ZNF75D: variants seen among roughly 807,000 people sequenced by gnomAD.
ZNF75D encodes the protein zinc finger protein 75D.
ZNF75D carries 33 observed loss-of-function variants against 33.3 expected under a neutral mutation model. The observed-to-expected ratio is 0.99, with a 90% confidence interval of 0.75 to 1.32. The LOEUF is 1.32. Ranked by LOEUF, ZNF75D falls within the 40% of genes most tolerant of loss-of-function variation. ZNF75D has a pLI of 0.00. For synonymous variants in ZNF75D, 113 were observed against 130.6 expected (o/e 0.87, Z 0.92); for missense variants, 338 against 367.5 (o/e 0.92, Z 0.66).
intron 1 of ZNF75D, among the ~76,000 whole-genome samples, chrX:135,338,268 C>T (rs1358298290): frequency 1.8e-5 from 2 of 111,038 alleles, no homozygotes; most frequent in African/African-American, 3.3e-5. Context: ...GAATTGTCTC[C>T]GCAATCTGGG....
intron 1 of ZNF75D, among the ~76,000 whole-genome samples, chrX:135,325,456 G>A (rs1261979494): frequency 1.8e-5 from 2 of 111,364 alleles, no homozygotes; most frequent in Non-Finnish European, 3.8e-5. Context: ...AGGCGTGGAG[G>A]GAGAGGTGTG....
chrX:135,268,695 C>T (rs1477885255), intron 1 of ZNF75D, among the ~76,000 whole-genome samples: 1 of 110,182 alleles, frequency 9.1e-6, no homozygotes, highest in African/African-American at 3.3e-5. Context: ...AGATTCAATG[C>T]AATCCCTATT....
chrX:135,323,418 C>A (rs138932864), intron 1 of ZNF75D, among the ~76,000 whole-genome samples: 174 of 112,264 alleles, frequency 1.5e-3, no homozygotes, highest in African/African-American at 5.4e-3. Context: ...ACAACAAAAG[C>A]ATTTTGTAGG....
chrX:135,263,242 G>A (rs1556415823), intron 1 of ZNF75D, among the ~76,000 whole-genome samples: 3 of 112,824 alleles, frequency 2.7e-5, no homozygotes, highest in Admixed American at 9.3e-5. Context: ...CCTACTGGGA[G>A]GTGTCTCCCA....
At chrX:135,277,277 TA>T (rs1405564785) in intron 1 of ZNF75D, among the ~76,000 whole-genome samples, 1 of 112,717 alleles carries the variant, frequency 8.9e-6, no homozygotes, top group Non-Finnish European at 1.9e-5. Flanking sequence ...GTTGGCCGCA[TA>T]AATGTCTTCT....
At chrX:135,274,480 T>C (rs1556417355) in intron 1 of ZNF75D, among the ~76,000 whole-genome samples, 1 of 111,840 alleles carries the variant, frequency 8.9e-6, no homozygotes, top group Admixed American at 9.5e-5. Flanking sequence ...CCTTTTTTTA[T>C]GAAAAATGAG....
At chrX:135,276,553 A>G (rs1334778454) in intron 1 of ZNF75D, among the ~76,000 whole-genome samples, 1 of 111,422 alleles carries the variant, frequency 9.0e-6, no homozygotes, top group Non-Finnish European at 1.9e-5. Context: ...GGTTTGTTAC[A>G]TAGGTATACA....
chrX:135,264,295 C>T (rs1241196921), intron 1 of ZNF75D, among the ~76,000 whole-genome samples: 4 of 111,236 alleles, frequency 3.6e-5, no homozygotes, highest in African/African-American at 1.3e-4. Flanking sequence ...GGGCAAAATC[C>T]GCCCCCATGA....
At chrX:135,250,459 C>T (rs371616803) in intron 3 of ZNF75D, among the ~76,000 whole-genome samples, 4 of 106,991 alleles carry the variant, frequency 3.7e-5, no homozygotes, top group African/African-American at 1.4e-4. Flanking sequence ...TTTTCACAAA[C>T]GGTGAGTATT....
intron 1 of ZNF75D, among the ~76,000 whole-genome samples, chrX:135,324,897 T>A (rs1456339208): frequency 9.0e-6 from 1 of 111,517 alleles, no homozygotes; most frequent in Non-Finnish European, 1.9e-5. Context: ...TGTCCTTTCC[T>A]GAGTGAAAAC....
chrX:135,333,770 G>A (rs1275306711), intron 1 of ZNF75D, among the ~76,000 whole-genome samples: 3 of 111,178 alleles, frequency 2.7e-5, no homozygotes, highest in African/African-American at 9.8e-5. Context: ...TTACCTGGTG[G>A]GGCAACCAAA....
chrX:135,280,806 A>T (rs2083917364), downstream of ZNF75D, among the ~76,000 whole-genome samples: 1 of 111,717 alleles, frequency 9.0e-6, no homozygotes, highest in Non-Finnish European at 1.9e-5. Context: ...AAGAATGTTG[A>T]ATATTGGCCC....
chrX:135,314,457 T>G (rs782718970), intron 1 of ZNF75D, among the ~76,000 whole-genome samples: 3 of 111,915 alleles, frequency 2.7e-5, no homozygotes, highest in Non-Finnish European at 5.7e-5. Flanking sequence ...TAGTTTTCTT[T>G]TTTACTATGC....
chrX:135,250,540 C>T (rs1556413574), intron 3 of ZNF75D, among the ~76,000 whole-genome samples: 2 of 106,653 alleles, frequency 1.9e-5, no homozygotes, highest in South Asian at 8.2e-4. Flanking sequence ...TCTGGCCCTG[C>T]AGAGCTACAT....
chrX:135,265,207 G>A (rs1367407246), intron 1 of ZNF75D, among the ~76,000 whole-genome samples: 8 of 104,164 alleles, frequency 7.7e-5, no homozygotes, highest in Non-Finnish European at 1.6e-4. Context: ...CAACAAGAGT[G>A]AAACTCTGTC....
At chrX:135,289,832 G>A (rs1418328031) in intron 6 of ZNF75D, among the ~76,000 whole-genome samples, 1 of 111,847 alleles carries the variant, frequency 8.9e-6, no homozygotes, top group African/African-American at 3.3e-5. Context: ...ACCTTTACGT[G>A]TGATCTGCTC....
chrX:135,319,404 G>C (rs1438055384), intron 1 of ZNF75D, among the ~76,000 whole-genome samples: 5 of 112,188 alleles, frequency 4.5e-5, no homozygotes, highest in African/African-American at 1.6e-4. Flanking sequence ...TCTGCAATGT[G>C]CTTTATCAAG....
intron 1 of ZNF75D, among the ~76,000 whole-genome samples, chrX:135,315,743 G>A: frequency 9.1e-6 from 1 of 110,062 alleles, no homozygotes; most frequent in South Asian, 3.8e-4. Context: ...CATAAGCATA[G>A]CTACTCCTGC....
intron 1 of ZNF75D, among the ~76,000 whole-genome samples, chrX:135,269,837 C>A (rs1183346183): frequency 7.2e-5 from 8 of 111,724 alleles, no homozygotes; most frequent in Non-Finnish European, 1.3e-4. Context: ...GATTTGGAAG[C>A]AACCTAAGTG....
Sources: gnomAD v4.1 joint callset for allele counts (sites outside exome capture counted in the v4.1 genomes callset) on GRCh38, gnomAD v4.1.1 for gene constraint, MANE v1.5 for transcripts, NCBI Gene and HGNC (gene_info 2026-07-23, HGNC 2026-07-21) for gene names.